ODF2: variants seen among roughly 807,000 people sequenced by gnomAD.
The protein encoded by ODF2 is outer dense fiber protein 2.
ODF2 carries 47 observed loss-of-function variants against 110.2 expected under a neutral mutation model. The observed-to-expected ratio is 0.43, with a 90% confidence interval of 0.34 to 0.54. ODF2 has a LOEUF of 0.54. Ranked by LOEUF, ODF2 falls within the 20% of genes least tolerant of loss-of-function variation. The pLI is 0.03. For missense variants in ODF2, 812 were observed against 1,054.5 expected, an observed-to-expected ratio of 0.77 and a Z score of 3.19; for synonymous variants, 352 against 397.7, an observed-to-expected ratio of 0.89 and a Z score of 1.37.
chr9:128,483,897 CA>C, intron 10 of ODF2, 40 bp from the exon 11 acceptor site: 2 of 1,424,498 alleles, frequency 1.4e-6, no homozygotes, highest in African/African-American at 1.4e-5. Flanking sequence ...AAAAAACAAA[CA>C]AAAAATTGTG....
At chr9:128,459,425 CAG>C (rs1835823088) in intron 2 of ODF2, 140 bp from the exon 2 acceptor site, 2 of 651,438 alleles carry the variant, frequency 3.1e-6, no homozygotes, top group African/African-American at 1.8e-5. Context: ...GTGCTCATCT[CAG>C]GGGAGTCAAG....
At chr9:128,461,750 C>A (rs1267012632) in intron 4 of ODF2, among the ~76,000 whole-genome samples, 1 of 151,996 alleles carries the variant, frequency 6.6e-6, no homozygotes, top group Admixed American at 6.6e-5. Flanking sequence ...CATTAGAAAT[C>A]TTTCATACCA....
intron 5 of ODF2, among the ~76,000 whole-genome samples, chr9:128,470,870 G>T (rs1197244987): frequency 6.6e-6 from 1 of 151,710 alleles, no homozygotes; most frequent in Non-Finnish European, 1.5e-5. Flanking sequence ...CTGGCATGCA[G>T]CCTGTGTAGT....
At chr9:128,496,399 A>AAGGCAGGCCTGGACC in intron 18 of ODF2, 2 of 1,282,242 alleles carry the variant, frequency 1.6e-6, no homozygotes, top group Non-Finnish European at 2.0e-6. Context: ...CCTGTCCCAA[A>AAGGCAGGCCTGGACC]AGGCATGCCT....
intron 14 of ODF2, 96 bp from the exon 15 acceptor site, chr9:128,492,330 G>GCCT (rs761415897): frequency 6.1e-6 from 5 of 823,468 alleles, no homozygotes; most frequent in Non-Finnish European, 8.5e-6. Context: ...AGAGTAGGGG[G>GCCT]CCTTTCCTTT....
In ODF2 at chr9:128,472,895, C is replaced by T; in HGVS notation, c.582-18C>T. On this transcript the variant is annotated intron_variant, in intron 6 of 20. Transcript: ENST00000604420. ...CGGGGGCCTGGGAGGGCTCACAGAG[C>T]CGTCTTTCTGGCCCCAGACTTCAGA... The T allele has an allele frequency of 6.2e-7, 1 of 1,613,588 alleles. No homozygotes were observed.
chr9:128,482,304 G>T (rs1016324829), intron 9 of ODF2, among the ~76,000 whole-genome samples: 2 of 152,234 alleles, frequency 1.3e-5, no homozygotes, highest in Non-Finnish European at 2.9e-5. Context: ...GATGCAGCAA[G>T]CTCGGCGATA....
exon 2 of ODF2, chr9:128,457,246 C>T: frequency 1.3e-6 from 2 of 1,584,680 alleles, no homozygotes; most frequent in Non-Finnish European, 1.7e-6. Context: ...CCCAAGTTTT[C>T]ATCCAACTGC....
intron 10 of ODF2, 110 bp downstream of exon 10, chr9:128,482,997 G>A (rs1842710395): frequency 1.3e-6 from 1 of 799,280 alleles, no homozygotes; most frequent in Non-Finnish European, 2.0e-6. Flanking sequence ...CCGGATTTGA[G>A]TGATTCTCCT....
At chr9:128,456,142 A>G (rs904991419), upstream of ODF2, 34 of 1,548,256 alleles carry the variant, frequency 2.2e-5, no homozygotes, top group Admixed American at 3.9e-5. Flanking sequence ...AGCGGGGAGG[A>G]GCCGCTGCCA....
chr9:128,495,408 A>G (rs1279794040), intron 17 of ODF2, among the ~76,000 whole-genome samples: 1 of 152,222 alleles, frequency 6.6e-6, no homozygotes, highest in Non-Finnish European at 1.5e-5. Context: ...CAGAGCTAGT[A>G]CCTAGTAAGC....
chr9:128,473,150 C>A, intron 7 of ODF2, 108 bp downstream of exon 7: 1 of 1,531,752 alleles, frequency 6.5e-7, no homozygotes, highest in South Asian at 1.2e-5. Context: ...ATGACATCTT[C>A]AGGCTGGGGG....
intron 9 of ODF2, 122 bp downstream of exon 9, chr9:128,481,773 T>G: frequency 1.5e-6 from 1 of 680,272 alleles, no homozygotes; most frequent in Non-Finnish European, 2.5e-6. Flanking sequence ...AGGTCTTAGT[T>G]TCACGATCTG....
intron 3 of ODF2, chr9:128,460,344 G>A: frequency 1.4e-6 from 2 of 1,436,348 alleles, no homozygotes; most frequent in Admixed American, 2.2e-5. Context: ...AATCTCCCTT[G>A]TGGTCTTCTG....
intron 3 of ODF2, chr9:128,460,121 C>T: frequency 7.7e-7 from 1 of 1,293,642 alleles, no homozygotes; most frequent in Non-Finnish European, 1.0e-6. Flanking sequence ...GCACCCTGAG[C>T]ATTTTGTGTG....
chr9:128,458,991 C>A (rs1331189043), intron 2 of ODF2, among the ~76,000 whole-genome samples: 1 of 152,002 alleles, frequency 6.6e-6, no homozygotes, highest in Non-Finnish European at 1.5e-5. Context: ...ACTACAGACA[C>A]ACGCCACCAC....
intron 10 of ODF2, 48 bp from the exon 11 acceptor site, chr9:128,483,890 A>G: frequency 7.2e-7 from 1 of 1,383,908 alleles, no homozygotes; most frequent in Non-Finnish European, 1.0e-6. Context: ...CGTATGAAAA[A>G]AACAAACAAA....
upstream of ODF2, among the ~76,000 whole-genome samples, chr9:128,455,762 G>C (rs1395283619): frequency 1.3e-5 from 2 of 152,074 alleles, no homozygotes; most frequent in Non-Finnish European, 2.9e-5. Flanking sequence ...CGGAGGCAGT[G>C]TGCAGCTCCC....
intron 14 of ODF2, 62 bp from the exon 15 acceptor site, chr9:128,492,364 G>A: frequency 1.8e-6 from 2 of 1,091,954 alleles, no homozygotes; most frequent in Non-Finnish European, 2.8e-6. Context: ...ATAGAGTTGA[G>A]GGTAGGAGGT....
Sources: gnomAD v4.1 joint callset for allele counts (sites outside exome capture counted in the v4.1 genomes callset) on GRCh38, gnomAD v4.1.1 for gene constraint, MANE v1.5 for transcripts, NCBI Gene and HGNC (gene_info 2026-07-23, HGNC 2026-07-21) for gene names.